The following VAV3 variants were observed in gnomAD, a reference collection of about 807,000 sequenced individuals.
VAV3 encodes the protein vav guanine nucleotide exchange factor 3.
In VAV3, 94 loss-of-function variants were observed where a neutral mutation model predicts 131.2. That is an observed-to-expected ratio of 0.72 (90% CI 0.61 to 0.85). VAV3 has a LOEUF of 0.85. VAV3 is among the 40% of genes least tolerant of loss of function. The probability of loss-of-function intolerance (pLI) is 0.00; values close to 1 mark genes in which losing one functional copy is unlikely to be tolerated. For missense variants in VAV3, 939 were observed against 1,002.7 expected, an observed-to-expected ratio of 0.94 and a Z score of 0.86; for synonymous variants, 349 against 342.0, an observed-to-expected ratio of 1.02 and a Z score of -0.22.
chr1:107,888,967 AG>A (rs1350531265), intron 1 of VAV3, among the ~76,000 whole-genome samples: 4 of 152,158 alleles, frequency 2.6e-5, no homozygotes, highest in Non-Finnish European at 4.4e-5. Context: ...GGCTTAGAGA[AG>A]GTAAGTAACC....
chr1:107,607,234 G>T (rs917908159), intron 22 of VAV3, among the ~76,000 whole-genome samples: 1 of 152,012 alleles, frequency 6.6e-6, no homozygotes, highest in Non-Finnish European at 1.5e-5. Context: ...TTACAGGCAC[G>T]AGTCAACACG....
rs141477879 is a variant in VAV3, at chr1:107,688,388, A to C, written c.1724T>G (p.Leu575Arg). The C allele has an allele frequency of 6.2e-7, 1 of 1,613,114 alleles. No individual in the cohort carries two copies. Among genetic ancestry groups the C allele is most frequent in the African/African-American group, 1.3e-5 (1 of 74,914 alleles). Residue 575 changes from leucine (L) to arginine (R), a missense_variant, in exon 18 of 27, where the codon CTA becomes CGA. Leu to Arg is a moderately radical substitution (Grantham distance 102). Transcript: ENST00000370056. The part of the protein sequence containing the change: ...VNSGEQGTLK[L>R]PEKRTNGLRR... ...TTAAAATGTTAATCTTACCTCTGGT[A>C]GTTTGAGTGTCCCTTGTTCTGAAAG... is the stretch of plus-strand genomic sequence containing the variant.
chr1:107,618,576 C>G (rs940647918), intron 20 of VAV3, among the ~76,000 whole-genome samples: 1 of 152,092 alleles, frequency 6.6e-6, no homozygotes, highest in Non-Finnish European at 1.5e-5. Flanking sequence ...CTTATTGAAT[C>G]CTTAATATGT....
chr1:107,751,113 T>C lies in VAV3; in HGVS notation c.1259+4A>G. On this transcript the variant is annotated splice_donor_region_variant and intron_variant, in intron 13 of 26. Coordinates refer to ENST00000370056, the MANE Select transcript of VAV3 (RefSeq NM_006113.5). Reference sequence around the variant, plus strand: ...TTTTGAAAATAGTATTCTTCTTTTCTTACCTTTCTTGTTTGGTATGCTTGT... The same window carrying C: ...TTTTGAAAATAGTATTCTTCTTTTCCTACCTTTCTTGTTTGGTATGCTTGT... 6.2e-7 allele frequency: 1 copy of C among 1,608,100 alleles called. No homozygotes were observed. Among genetic ancestry groups the C allele is most frequent in the Non-Finnish European group, 8.5e-7 (1 of 1,178,402 alleles).
At chr1:107,858,323 T>C (rs1047271517) in intron 2 of VAV3, among the ~76,000 whole-genome samples, 3 of 152,232 alleles carry the variant, frequency 2.0e-5, no homozygotes, top group African/African-American at 7.2e-5. Context: ...GTTTCTTCTC[T>C]TCTAAACCTT....
intron 2 of VAV3, among the ~76,000 whole-genome samples, chr1:107,836,467 A>G (rs1212110334): frequency 6.6e-6 from 1 of 152,226 alleles, no homozygotes; most frequent in African/African-American, 2.4e-5. Flanking sequence ...CCTACATCAA[A>G]AAGTTTAAAA....
At chr1:107,575,053 G>A (rs535593616) in intron 25 of VAV3, among the ~76,000 whole-genome samples, 1 of 148,830 alleles carries the variant, frequency 6.7e-6, no homozygotes, top group South Asian at 2.2e-4. Context: ...GGCAGGAGAG[G>A]AGCTAACTTT....
At chr1:107,657,832 T>C (rs1019629664) in intron 19 of VAV3, among the ~76,000 whole-genome samples, 2 of 152,214 alleles carry the variant, frequency 1.3e-5, no homozygotes, top group African/African-American at 4.8e-5. Flanking sequence ...CATTTTCAGG[T>C]GCTTCACTGG....
At chr1:107,856,446 G>C (rs888958036) in intron 2 of VAV3, among the ~76,000 whole-genome samples, 1 of 151,964 alleles carries the variant, frequency 6.6e-6, no homozygotes, top group African/African-American at 2.4e-5. Flanking sequence ...TGAGTAGATA[G>C]CTGAAATTTC....
At chr1:107,624,374 CTGTGTGTGTGTGTG>C (rs59476510) in intron 20 of VAV3, among the ~76,000 whole-genome samples, 121 of 143,314 alleles carry the variant, frequency 8.4e-4, no homozygotes, top group Middle Eastern at 3.5e-3. Context: ...AGTCTTATGA[CTGTGTGTGTGTGTG>C]TGTGTGTGTG....
intron 2 of VAV3, among the ~76,000 whole-genome samples, chr1:107,870,554 AGATT>A (rs1287986811): frequency 6.6e-6 from 1 of 152,056 alleles, no homozygotes; most frequent in Non-Finnish European, 1.5e-5. Flanking sequence ...TTTGGTGTAT[AGATT>A]GTGAAGAATT....
chr1:107,814,042 T>G (rs909239637), intron 2 of VAV3, among the ~76,000 whole-genome samples: 12 of 148,686 alleles, frequency 8.1e-5, no homozygotes, highest in African/African-American at 3.0e-4. Flanking sequence ...CTTTACCCAT[T>G]TATCTGTTGA....
chr1:107,732,528 C>T (rs552512276), intron 15 of VAV3, among the ~76,000 whole-genome samples: 19 of 152,346 alleles, frequency 1.2e-4, no homozygotes, highest in South Asian at 4.1e-4. Flanking sequence ...GCTTTTCCAA[C>T]GGTCTTAGCA....
chr1:107,835,609 G>T (rs1209526589), intron 2 of VAV3, among the ~76,000 whole-genome samples: 1 of 152,168 alleles, frequency 6.6e-6, no homozygotes, highest in Middle Eastern at 3.2e-3. Flanking sequence ...TCTGGGCAAA[G>T]AAAGTTTGGG....
chr1:107,706,191 T>C (rs190630404), intron 15 of VAV3, among the ~76,000 whole-genome samples: 5 of 152,234 alleles, frequency 3.3e-5, no homozygotes, highest in Admixed American at 2.6e-4. Flanking sequence ...TAGGAAAAGC[T>C]TGAGATACTG....
intron 18 of VAV3, 123 bp from the exon 19 acceptor site, chr1:107,683,656 G>A: frequency 1.1e-6 from 1 of 936,862 alleles, no homozygotes; most frequent in East Asian, 2.6e-5. Context: ...GTCAAAGTAT[G>A]ACTAAATTTG....
chr1:107,714,614 C>T (rs917972004), intron 15 of VAV3, among the ~76,000 whole-genome samples: 1 of 151,880 alleles, frequency 6.6e-6, no homozygotes, highest in Admixed American at 6.6e-5. Context: ...TCTTTTAATC[C>T]TTGTTTATTC....
At chr1:107,619,500 T>C (rs1379103914) in intron 20 of VAV3, among the ~76,000 whole-genome samples, 1 of 152,090 alleles carries the variant, frequency 6.6e-6, no homozygotes, top group Non-Finnish European at 1.5e-5. Context: ...CCTTTATATA[T>C]AAACACACTA....
chr1:107,585,143 G>A (rs917416116), intron 25 of VAV3, among the ~76,000 whole-genome samples: 2 of 152,144 alleles, frequency 1.3e-5, no homozygotes, highest in African/African-American at 4.8e-5. Flanking sequence ...CAAACTCCCA[G>A]TTGCTCAGAG....
Sources: gnomAD v4.1 joint callset for allele counts (sites outside exome capture counted in the v4.1 genomes callset) on GRCh38, gnomAD v4.1.1 for gene constraint, MANE v1.5 for transcripts, NCBI Gene and HGNC (gene_info 2026-07-23, HGNC 2026-07-21) for gene names.